Variants in ADAMTS6 observed in about 807,000 individuals in gnomAD.
ADAMTS6 encodes the protein ADAM metallopeptidase with thrombospondin type 1 motif 6.
Under a neutral mutation model 144.3 loss-of-function variants are expected in ADAMTS6, and 23 were observed. That is an observed-to-expected ratio of 0.16 (90% CI 0.11 to 0.23). ADAMTS6 has a LOEUF of 0.23. Ranked by LOEUF, ADAMTS6 falls within the 10% of genes least tolerant of loss-of-function variation. The probability of loss-of-function intolerance (pLI) is 1.00; values close to 1 mark genes in which losing one functional copy is unlikely to be tolerated. For missense variants in ADAMTS6, 999 were observed against 1,379.6 expected, an observed-to-expected ratio of 0.72 and a Z score of 4.37; for synonymous variants, 444 against 457.5, an observed-to-expected ratio of 0.97 and a Z score of 0.38.
chr5:65,273,865 T>C (rs1230756958), intron 11 of ADAMTS6, among the ~76,000 whole-genome samples: 1 of 152,156 alleles, frequency 6.6e-6, no homozygotes, highest in Admixed American at 6.5e-5. Context: ...TCTACCATAA[T>C]ATTCAAATGA....
intron 24 of ADAMTS6, among the ~76,000 whole-genome samples, chr5:65,158,586 TGAG>T (rs4019319): frequency 0.58 from 87,848 of 151,744 alleles, 25,681 homozygotes; most frequent in Middle Eastern, 0.66. Flanking sequence ...CAGGTGAGCT[TGAG>T]GAGGTTAGTC....
intron 9 of ADAMTS6, among the ~76,000 whole-genome samples, chr5:65,318,782 CA>C (rs1464213932): frequency 6.6e-6 from 1 of 151,670 alleles, no homozygotes; most frequent in East Asian, 1.9e-4. Context: ...TAATAGGTAC[CA>C]AAAAAATAGA....
At chr5:65,236,381 G>C (rs953367098) in intron 15 of ADAMTS6, among the ~76,000 whole-genome samples, 3 of 151,926 alleles carry the variant, frequency 2.0e-5, no homozygotes, top group Non-Finnish European at 4.4e-5. Context: ...TCCACTTCTC[G>C]AGCTCAAGTG....
rs530952209 is a variant in ADAMTS6 at position 65,344,010 on chromosome 5, T to C, written c.1074-9925A>G. Among the ~76,000 whole-genome samples, 3 of 152,150 alleles carry C rather than the reference T, an allele frequency of 2.0e-5. No homozygotes were observed. The South Asian group carries it at 6.2e-4, about 32-fold the overall frequency. ...GATAGCATGAATTAAAGATTTACCA[T>C]TTGTAAAATATCTCCCTGGCTAGTC... On this transcript the variant is annotated intron_variant, in intron 7 of 24. Transcript: ENST00000381055.
chr5:65,444,464 A>G (rs1758112364), intron 7 of ADAMTS6, among the ~76,000 whole-genome samples: 1 of 152,214 alleles, frequency 6.6e-6, no homozygotes, highest in African/African-American at 2.4e-5. Flanking sequence ...TACCAGTGAA[A>G]AACTATTAAT....
intron 7 of ADAMTS6, among the ~76,000 whole-genome samples, chr5:65,431,944 A>T (rs1757032207): frequency 6.6e-6 from 1 of 152,082 alleles, no homozygotes; most frequent in Admixed American, 6.6e-5. Context: ...CACGAAAATG[A>T]ATGAGATCAC....
At chr5:65,313,107 C>T (rs1744656241) in intron 9 of ADAMTS6, among the ~76,000 whole-genome samples, 1 of 149,796 alleles carries the variant, frequency 6.7e-6, no homozygotes, top group South Asian at 2.1e-4. Context: ...AAATCTATTT[C>T]AGTAGTTTTA....
intron 14 of ADAMTS6, among the ~76,000 whole-genome samples, chr5:65,246,975 T>C (rs115756707): frequency 1.2e-4 from 19 of 152,280 alleles, no homozygotes; most frequent in African/African-American, 4.6e-4. Context: ...GTTTAAAGAA[T>C]AATGCTTTTT....
intron 7 of ADAMTS6, among the ~76,000 whole-genome samples, chr5:65,376,183 G>A (rs1366362435): frequency 1.3e-5 from 2 of 152,244 alleles, no homozygotes; most frequent in Non-Finnish European, 2.9e-5. Context: ...AGTGGGTGCA[G>A]CGCACCAGCA....
In ADAMTS6 at chr5:65,471,154, C is replaced by A; in HGVS notation, c.98-12G>T. On this transcript the variant is annotated splice_polypyrimidine_tract_variant and intron_variant, in intron 2 of 24. Coordinates refer to ENST00000381055, the MANE Select transcript of ADAMTS6 (RefSeq NM_197941.4). ...AGTCAGGAATTCCTCTTTGTAATCA[C>A]AAGGCAGAGAATCCAGAAAAAAAAC... The A allele has an allele frequency of 6.4e-7, 1 of 1,563,952 alleles. No homozygotes were observed. The highest frequency in any genetic ancestry group is 2.3e-5 in the East Asian group (1 of 42,870).
At chr5:65,450,268 A>C (rs1189550291) in intron 7 of ADAMTS6, among the ~76,000 whole-genome samples, 1 of 152,214 alleles carries the variant, frequency 6.6e-6, no homozygotes, top group African/African-American at 2.4e-5. Context: ...AAATTTTCTC[A>C]CCAATGATGC....
chr5:65,291,468 G>A lies in ADAMTS6; in HGVS notation c.1373C>T (p.Ser458Leu). 1 of 1,610,820 alleles carries A rather than the reference G, an allele frequency of 6.2e-7. No homozygotes were observed. The highest frequency in any genetic ancestry group is 8.5e-7 in the Non-Finnish European group (1 of 1,178,582). ...ATTATCAAGGCAAGTACCACGGCCT[G>A]AACTGTTCAACATAAAGGATCAAAG... is the stretch of plus-strand genomic sequence containing the variant. ...SRDYITSFLD[S>L]GRGTCLDNEP... The change falls in exon 11 of 25, where the codon TCA becomes TTA. Residue 458 changes from serine to leucine, a missense_variant and splice_region_variant. Physicochemically the swap from Ser to Leu is moderately radical, Grantham distance 145. Around this residue, in one of 3 missense-constraint regions of ADAMTS6, gnomAD observed 619 missense variants for 837.0 expected, o/e 0.74. Transcript: ENST00000381055.
At chr5:65,440,868 A>T (rs1338202789) in intron 7 of ADAMTS6, among the ~76,000 whole-genome samples, 1 of 152,194 alleles carries the variant, frequency 6.6e-6, no homozygotes, top group Non-Finnish European at 1.5e-5. Context: ...TTTAAAAGAA[A>T]GAATCAGTTT....
At chr5:65,196,312 G>A (rs1033785180) in intron 21 of ADAMTS6, among the ~76,000 whole-genome samples, 8 of 151,870 alleles carry the variant, frequency 5.3e-5, no homozygotes, top group East Asian at 3.9e-4. Flanking sequence ...CGAGGCGGGC[G>A]GATCACGAGG....
chr5:65,271,921 AT>A (rs1000702561), intron 12 of ADAMTS6, among the ~76,000 whole-genome samples: 1 of 152,258 alleles, frequency 6.6e-6, no homozygotes, highest in Admixed American at 6.5e-5. Flanking sequence ...ATTTCTTTGT[AT>A]TTTTATTGGC....
Position 65,197,104 on chromosome 5 carries a change from T to C in ADAMTS6, c.2623A>G (p.Ile875Val), listed in dbSNP as rs777076930. 3 of 1,613,976 alleles carry C rather than the reference T, an allele frequency of 1.9e-6. No individual in the cohort carries two copies. The highest frequency in any genetic ancestry group is 2.5e-6 in the Non-Finnish European group (3 of 1,179,868). Residue 875 changes from isoleucine (I) to valine (V), a missense_variant, in exon 21 of 25, where the codon ATT becomes GTT. Physicochemically the swap from Ile to Val is conservative, Grantham distance 29. Transcript: ENST00000381055. ...GGATCACAGTAATTGTTCTGGACAA[T>C]GGAGTTGTCATCCAACCTTTTACAG... ...VVCKRLDDNS[I>V]VQNNYCDPDS...
At position 65,237,595 on chromosome 5, in the gene ADAMTS6, T is replaced by G. The variant is rs1322128550; in HGVS notation, c.1933+4509A>C. ...CTTTTAAAAATAAATAAAGATTCTA[T>G]TTTGGGAAACCAGAATGCATCTGAT... On this transcript the variant is annotated intron_variant, in intron 15 of 24. Coordinates refer to ENST00000381055, the MANE Select transcript of ADAMTS6 (RefSeq NM_197941.4). 1.8e-4 allele frequency among the ~76,000 whole-genome samples: 28 copies of G among 152,108 alleles called. 1 individual carries two copies. The highest frequency in any genetic ancestry group is 1.8e-3 in the Admixed American group (28 of 15,266).
At chr5:65,429,546 T>A (rs1017836473) in intron 7 of ADAMTS6, among the ~76,000 whole-genome samples, 2 of 152,064 alleles carry the variant, frequency 1.3e-5, no homozygotes, top group Admixed American at 6.5e-5. Context: ...ATATTAAACT[T>A]GTATGCTTTC....
chr5:65,328,099 A>G (rs1746342562), intron 9 of ADAMTS6, among the ~76,000 whole-genome samples: 1 of 152,166 alleles, frequency 6.6e-6, no homozygotes, highest in Admixed American at 6.6e-5. Context: ...AGAGTGTAAT[A>G]CTGACTTTTC....
Sources: allele counts gnomAD v4.1 joint callset (sites outside exome capture counted in the v4.1 genomes callset), GRCh38; gene constraint gnomAD v4.1.1; regional missense constraint gnomAD v4.1.1; transcripts MANE v1.5; gene names NCBI Gene and HGNC (gene_info 2026-07-23, HGNC 2026-07-21).